Variants in DNMBP observed in about 807,000 individuals in gnomAD.
DNMBP encodes dynamin binding protein.
In DNMBP, 87 loss-of-function variants were observed where a neutral mutation model predicts 150.0. The observed-to-expected ratio is 0.58, with a 90% CI of 0.49 to 0.69. The LOEUF (loss-of-function observed/expected upper bound fraction) is 0.69. DNMBP is among the 30% of genes least tolerant of loss of function. DNMBP has a pLI of 0.00. For missense variants in DNMBP, 1,774 were observed against 1,949.0 expected (o/e 0.91, Z 1.69); for synonymous variants, 711 against 750.4 (o/e 0.95, Z 0.86).
At chr10:99,898,654 T>C (rs1046981192) in intron 8 of DNMBP, 89 bp downstream of exon 8, 1 of 1,429,228 alleles carries the variant, frequency 7.0e-7, no homozygotes, top group Non-Finnish European at 9.8e-7. Context: ...GGTTTGTCTA[T>C]AAAGGAAGAA....
Position 99,955,397 on chromosome 10 carries a change from A to G in DNMBP, c.2077T>C (p.Leu693=). ...RSLDQTSPCP[L]VLVRIEEMER... ...ATTTCCTCAATCCTCACCAGCACTA[A>G]GGGGCATGGGGAGGTCTGGTCCAGA... Residue 693 remains leucine, a synonymous_variant, in exon 4 of 17, where the codon TTA becomes CTA. Coordinates refer to ENST00000324109, the MANE Select transcript of DNMBP (RefSeq NM_015221.4). 1 of 1,614,102 alleles carries G rather than the reference A, an allele frequency of 6.2e-7. No homozygotes were observed. Among genetic ancestry groups the G allele is most frequent in the Non-Finnish European group, 8.5e-7 (1 of 1,180,026 alleles).
At chr10:99,892,709 A>G (rs1367863718) in intron 11 of DNMBP, among the ~76,000 whole-genome samples, 1 of 149,594 alleles carries the variant, frequency 6.7e-6, no homozygotes, top group Non-Finnish European at 1.5e-5. Flanking sequence ...TTGTCCCATG[A>G]CCCTGCCAAA....
chr10:99,947,017 G>A (rs925213629), intron 4 of DNMBP, among the ~76,000 whole-genome samples: 5 of 152,078 alleles, frequency 3.3e-5, no homozygotes, highest in African/African-American at 1.2e-4. Context: ...AAAACCAAAT[G>A]AGAAACCATC....
At chr10:99,934,864 T>G (rs1298799688) in intron 4 of DNMBP, among the ~76,000 whole-genome samples, 1 of 130,262 alleles carries the variant, frequency 7.7e-6, no homozygotes, top group Non-Finnish European at 1.6e-5. Flanking sequence ...TGTGGGAGAC[T>G]CAGGCGGGTG....
At chr10:99,983,378 G>T (rs933906452) in intron 1 of DNMBP, among the ~76,000 whole-genome samples, 5 of 152,188 alleles carry the variant, frequency 3.3e-5, no homozygotes, top group Non-Finnish European at 7.3e-5. Flanking sequence ...AGGACGAGAG[G>T]TGTCAGAAAA....
rs558607333 is a variant in DNMBP, at chr10:99,995,331, G to T, written c.-11+14507C>A. The stretch of plus-strand genomic sequence containing the variant: ...CCTGAACTGCTGGGATTACAGGCAT[G>T]ATCACGGCACCTGGCAAAAACAGAA... On this transcript the variant is annotated intron_variant, in intron 1 of 16. Transcript: ENST00000324109. Among the ~76,000 whole-genome samples, 1,287 of 152,280 alleles carry T rather than the reference G, an allele frequency of 8.5e-3. 18 individuals carry two copies. Among genetic ancestry groups the T allele is most frequent in the Middle Eastern group, 0.044 (13 of 294 alleles).
At chr10:99,999,423 T>C (rs1421561968) in intron 1 of DNMBP, among the ~76,000 whole-genome samples, 2 of 152,224 alleles carry the variant, frequency 1.3e-5, no homozygotes, top group African/African-American at 4.8e-5. Context: ...TGACAATGCA[T>C]GTAGTATGGT....
intron 1 of DNMBP, among the ~76,000 whole-genome samples, chr10:99,978,337 A>G (rs2133362569): frequency 6.6e-6 from 1 of 152,316 alleles, no homozygotes; most frequent in South Asian, 2.1e-4. Flanking sequence ...GAAAATTTTC[A>G]AACAGTGAGG....
intron 1 of DNMBP, among the ~76,000 whole-genome samples, chr10:99,997,038 A>G (rs558905338): frequency 2.6e-5 from 4 of 152,346 alleles, no homozygotes; most frequent in East Asian, 3.9e-4. Flanking sequence ...CACAGCCCAT[A>G]TAGCTGCTCA....
chr10:99,957,030 T>C lies in DNMBP; in HGVS notation c.444A>G (p.Gly148=). The C allele has an allele frequency of 1.2e-6, 2 of 1,614,162 alleles. No individual in the cohort carries two copies. The highest frequency in any genetic ancestry group is 1.7e-6 in the Non-Finnish European group (2 of 1,180,030). ...ALFQIPEYSM[G]QARALMGLSA... ...AAAGCCCCATTAGGGCCCGGGCTTG[T>C]CCCATGGAATATTCCGGAATCTGAA... Residue 148 remains glycine, a synonymous_variant, in exon 4 of 17, where the codon GGA becomes GGG. Transcript: ENST00000324109.
In DNMBP at chr10:99,904,057, C is replaced by T. The variant is rs9630093; in HGVS notation, c.2554+3938G>A. Reference sequence around the variant, plus strand: ...GATTACTGGTGTGAGCCAACACGCCCGGCTGATCAAATAGAAAAGAAAATA... The same window carrying T: ...GATTACTGGTGTGAGCCAACACGCCTGGCTGATCAAATAGAAAAGAAAATA... On this transcript the variant is annotated intron_variant, in intron 6 of 16. Transcript: ENST00000324109. 4.4e-3 allele frequency among the ~76,000 whole-genome samples: 664 copies of T among 152,062 alleles called. 7 individuals carry two copies. The highest frequency in any genetic ancestry group is 0.015 in the African/African-American group (621 of 41,480).
At chr10:99,928,836 G>A (rs1037073567) in intron 4 of DNMBP, among the ~76,000 whole-genome samples, 6 of 149,304 alleles carry the variant, frequency 4.0e-5, no homozygotes, top group Non-Finnish European at 7.4e-5. Context: ...TGAAAGGAGC[G>A]GTAAAAAAAA....
intron 4 of DNMBP, among the ~76,000 whole-genome samples, chr10:99,923,091 T>C (rs1197259183): frequency 6.6e-6 from 1 of 151,904 alleles, no homozygotes; most frequent in Non-Finnish European, 1.5e-5. Flanking sequence ...CTGTCTCTAC[T>C]AAAAATACAA....
At chr10:99,988,051 A>G (rs1168846593) in intron 1 of DNMBP, among the ~76,000 whole-genome samples, 3 of 151,254 alleles carry the variant, frequency 2.0e-5, no homozygotes, top group Admixed American at 6.6e-5. Context: ...ACTTCACACC[A>G]GTTCTGCAGT....
chr10:99,897,555 G>C (rs1290166959), intron 9 of DNMBP, among the ~76,000 whole-genome samples: 1 of 152,146 alleles, frequency 6.6e-6, no homozygotes, highest in East Asian at 1.9e-4. Flanking sequence ...CTTGAGAAAG[G>C]CTCTTATTGC....
At chr10:99,963,127 G>T (rs2040581929) in intron 3 of DNMBP, among the ~76,000 whole-genome samples, 1 of 151,946 alleles carries the variant, frequency 6.6e-6, no homozygotes, top group Non-Finnish European at 1.5e-5. Flanking sequence ...GGAGGGCAGT[G>T]GCTCAATCAC....
chr10:99,941,657 G>A (rs12770176), intron 4 of DNMBP, among the ~76,000 whole-genome samples: 51 of 151,974 alleles, frequency 3.4e-4, no homozygotes, highest in Admixed American at 1.2e-3. Flanking sequence ...TAGTAGAGAC[G>A]GGGTTTCTCC....
In DNMBP at chr10:99,896,362, T is replaced by C. The variant is rs766219847; in HGVS notation, c.2956A>G (p.Met986Val). ...ATGTTCAGTTTGGAAATTTTCTCCA[T>C]AAGGCTATCTTCATCACCCTTACGG... ...KYRKGDEDSL[M>V]EKISKLNIHS... Residue 986 changes from methionine (M) to valine (V), a missense_variant, in exon 10 of 17, where the codon ATG becomes GTG. Transcript: ENST00000324109. 1 of 1,614,180 alleles carries C rather than the reference T, an allele frequency of 6.2e-7. No homozygotes were observed. Among genetic ancestry groups the C allele is most frequent in the South Asian group, 1.1e-5 (1 of 91,080 alleles).
At position 99,888,839 on chromosome 10, in the gene DNMBP, G is replaced by A. The variant is rs1175914229; in HGVS notation, c.3271C>T (p.Leu1091Phe). Reference protein sequence around the residue: ...ERVHRYISDQLFTNFKERTER... With the variant: ...ERVHRYISDQFFTNFKERTER... ...AAGTTACTTACAAAGTTTGTGAAGAGCTGGTCACTGATGTAGCGATGCACC... is the reference window on the plus strand; with the variant it reads ...AAGTTACTTACAAAGTTTGTGAAGAACTGGTCACTGATGTAGCGATGCACC... The change falls in exon 12 of 17, where the codon CTC (leucine) becomes TTC (phenylalanine). Residue 1091 changes from leucine to phenylalanine, a missense_variant. By Grantham distance (22) the Leu-to-Phe change is conservative. Transcript: ENST00000324109. The A allele has an allele frequency of 6.2e-7, 1 of 1,614,010 alleles. No individual in the cohort carries two copies. The highest frequency in any genetic ancestry group is 8.5e-7 in the Non-Finnish European group (1 of 1,180,012).
Sources: allele counts gnomAD v4.1 joint callset (sites outside exome capture counted in the v4.1 genomes callset), GRCh38; gene constraint gnomAD v4.1.1; transcripts MANE v1.5; gene names NCBI Gene and HGNC (gene_info 2026-07-23, HGNC 2026-07-21).